SYN3: variants seen among roughly 807,000 people sequenced by gnomAD.
SYN3 encodes the protein synapsin-3.
SYN3 carries 35 observed loss-of-function variants against 65.8 expected under a neutral mutation model. The ratio of observed to expected loss-of-function variants is 0.53; its 90% CI spans 0.41 to 0.70. The LOEUF is 0.70. SYN3 is among the 30% of genes least tolerant of loss of function. The pLI is 0.00. For missense variants in SYN3, 680 were observed against 749.0 expected (o/e 0.91, Z 1.08); for synonymous variants, 270 against 292.9 (o/e 0.92, Z 0.80).
At position 32,656,816 on chromosome 22, in the gene SYN3, C is replaced by T. The variant is rs371584711; in HGVS notation, c.712-60080G>A. On this transcript the variant is annotated intron_variant, in intron 6 of 13. Coordinates refer to ENST00000358763, the MANE Select transcript of SYN3 (RefSeq NM_003490.4). ...GTAGGAGGAAGACGGGATGTAGGGA[C>T]GTCCATACCAGAGACAACAAAGAAG... Among the ~76,000 whole-genome samples, 793 of 152,124 alleles carry T rather than the reference C, an allele frequency of 5.2e-3. 5 individuals carry two copies. Among genetic ancestry groups the T allele is most frequent in the South Asian group, 0.037 (176 of 4,816 alleles).
intron 6 of SYN3, among the ~76,000 whole-genome samples, chr22:32,785,832 T>C (rs13057881): frequency 0.35 from 53,239 of 152,076 alleles, 9,655 homozygotes; most frequent in East Asian, 0.51. Context: ...AACAGGACTG[T>C]GTCTGTCTTG....
At chr22:32,709,743 T>C (rs1399203643) in intron 6 of SYN3, among the ~76,000 whole-genome samples, 1 of 152,154 alleles carries the variant, frequency 6.6e-6, no homozygotes, top group East Asian at 1.9e-4. Context: ...TTTCTTTCCT[T>C]TTTACATAAA....
chr22:32,790,589 C>G (rs528146094), intron 6 of SYN3, among the ~76,000 whole-genome samples: 1 of 151,986 alleles, frequency 6.6e-6, no homozygotes, highest in Non-Finnish European at 1.5e-5. Flanking sequence ...CCAAGCTTGG[C>G]TAATTTTTTG....
chr22:32,536,657 T>C lies in SYN3; in HGVS notation c.992+1379A>G, dbSNP rs181680782. Reference sequence around the variant, plus strand: ...CCAACCAGTACATATGGCTCAGTTCTAGGCTTTGGTTGAAATGACTGGGAA... The same window carrying C: ...CCAACCAGTACATATGGCTCAGTTCCAGGCTTTGGTTGAAATGACTGGGAA... On this transcript the variant is annotated intron_variant, in intron 9 of 13. Transcript: ENST00000358763. 1.3e-3 allele frequency among the ~76,000 whole-genome samples: 205 copies of C among 152,322 alleles called. 2 individuals are homozygous for C. Among genetic ancestry groups the C allele is most frequent in the Non-Finnish European group, 2.3e-3 (154 of 68,004 alleles).
intron 12 of SYN3, among the ~76,000 whole-genome samples, chr22:32,524,939 C>T (rs1050039743): frequency 8.5e-5 from 13 of 152,136 alleles, no homozygotes; most frequent in African/African-American, 3.1e-4. Context: ...AACCAGGACC[C>T]GCGAGGTGGA....
intron 3 of SYN3, among the ~76,000 whole-genome samples, chr22:32,977,986 A>G (rs901815104): frequency 2.6e-5 from 4 of 152,198 alleles, no homozygotes; most frequent in Non-Finnish European, 4.4e-5. Context: ...TTGAGGAGCT[A>G]TGAAAGGGAA....
Position 32,569,565 on chromosome 22 carries a change from CTCTCTCTA to C in SYN3, c.774+27101_774+27108del, listed in dbSNP as rs1253370409. ...TCTCTCTCTCTCTCTCTCTCTCTCT[CTCTCTCTA>C]TATATATATATATATAAAATCTATC... On this transcript the variant is annotated intron_variant, in intron 7 of 13. Coordinates refer to ENST00000358763, the MANE Select transcript of SYN3 (RefSeq NM_003490.4). Among the ~76,000 whole-genome samples, 236 of 56,382 alleles carry C rather than the reference CTCTCTCTA, an allele frequency of 4.2e-3. 4 individuals carry two copies. Among genetic ancestry groups the C allele is most frequent in the South Asian group, 0.012 (12 of 1,014 alleles). The allele number at this position is 56,382 out of a possible 152,430, so 37.0% of individuals were successfully genotyped here.
At chr22:32,533,937 G>A (rs955568267) in intron 9 of SYN3, 42 bp from the exon 10 acceptor site, 1 of 1,428,876 alleles carries the variant, frequency 7.0e-7, no homozygotes, top group African/African-American at 1.4e-5. Context: ...GCCTGGGAAA[G>A]TGGGGAAGCG....
chr22:32,704,115 T>C (rs548842109), intron 6 of SYN3, among the ~76,000 whole-genome samples: 89 of 152,332 alleles, frequency 5.8e-4, no homozygotes, highest in African/African-American at 2.0e-3. Flanking sequence ...GTTTGTTATA[T>C]AGGTATACTC....
At chr22:32,998,746 C>G (rs1332760747) in intron 2 of SYN3, among the ~76,000 whole-genome samples, 3 of 125,140 alleles carry the variant, frequency 2.4e-5, no homozygotes, top group African/African-American at 9.6e-5. Flanking sequence ...AAAATCAAAC[C>G]TGGGATTCTG....
intron 4 of SYN3, among the ~76,000 whole-genome samples, chr22:32,929,198 C>T (rs1365187611): frequency 2.0e-5 from 3 of 152,172 alleles, no homozygotes; most frequent in Non-Finnish European, 4.4e-5. Context: ...AGAAGAATTG[C>T]TTGAACCTGG....
In SYN3 at chr22:32,938,735, T is replaced by C. The variant is rs551291888; in HGVS notation, c.370-7254A>G. 5.1e-4 allele frequency among the ~76,000 whole-genome samples: 77 copies of C among 152,072 alleles called. 2 individuals carry two copies. The highest frequency in any genetic ancestry group is 8.8e-5 in the Non-Finnish European group (6 of 68,010). On this transcript the variant is annotated intron_variant, in intron 3 of 13. Coordinates refer to ENST00000358763, the MANE Select transcript of SYN3 (RefSeq NM_003490.4). ...TGAGGTCAGGAGTTCAAGACGAGCC[T>C]GGCCAACGTGGCAAAACCTCGTCTC... is the stretch of plus-strand genomic sequence containing the variant.
intron 6 of SYN3, among the ~76,000 whole-genome samples, chr22:32,641,216 C>T (rs543499856): frequency 6.6e-6 from 1 of 152,272 alleles, no homozygotes; most frequent in Admixed American, 6.5e-5. Flanking sequence ...TGATCTGAAC[C>T]GTGGAGCTCA....
intron 4 of SYN3, among the ~76,000 whole-genome samples, chr22:32,888,160 AC>A (rs2049345913): frequency 6.6e-6 from 1 of 152,170 alleles, no homozygotes; most frequent in Non-Finnish European, 1.5e-5. Flanking sequence ...TCAAGATATT[AC>A]CATCCCTAGG....
intron 6 of SYN3, among the ~76,000 whole-genome samples, chr22:32,694,552 G>C (rs1157120062): frequency 6.6e-6 from 1 of 152,168 alleles, no homozygotes; most frequent in African/African-American, 2.4e-5. Flanking sequence ...AATAAAGATA[G>C]TTGGCCCTCC....
At chr22:32,740,021 A>G (rs117716768) in intron 6 of SYN3, among the ~76,000 whole-genome samples, 2,143 of 152,362 alleles carry the variant, frequency 0.014, 26 homozygotes, top group Non-Finnish European at 0.021. Flanking sequence ...GAGGAGAGTG[A>G]CAGAGGTAAA....
intron 1 of SYN3, among the ~76,000 whole-genome samples, chr22:33,017,351 G>A (rs182202700): frequency 3.5e-4 from 54 of 152,260 alleles, no homozygotes; most frequent in African/African-American, 1.2e-3. Flanking sequence ...TCTCAAAATT[G>A]CTTTGACTAT....
chr22:32,825,426 T>G (rs1420059282), intron 6 of SYN3, among the ~76,000 whole-genome samples: 1 of 151,902 alleles, frequency 6.6e-6, no homozygotes, highest in Admixed American at 6.6e-5. Flanking sequence ...TTTGTGAGGC[T>G]GAGGCAGGTG....
At chr22:32,881,363 T>C (rs1420618465) in intron 4 of SYN3, among the ~76,000 whole-genome samples, 1 of 152,180 alleles carries the variant, frequency 6.6e-6, no homozygotes, top group Non-Finnish European at 1.5e-5. Context: ...CCCACACATA[T>C]CTCTGTCTGA....
Sources: allele counts gnomAD v4.1 joint callset (sites outside exome capture counted in the v4.1 genomes callset), GRCh38; gene constraint gnomAD v4.1.1; transcripts MANE v1.5; gene names NCBI Gene and HGNC (gene_info 2026-07-23, HGNC 2026-07-21).